Variants in ANKS1B observed in about 807,000 individuals in gnomAD.
ANKS1B encodes the protein ankyrin repeat and sterile alpha motif domain-containing protein 1B.
A neutral mutation model predicts 148.3 loss-of-function variants in ANKS1B; 36 were observed. That is an observed-to-expected ratio of 0.24 (90% CI 0.19 to 0.32). ANKS1B has a LOEUF of 0.32. Among genes scored for constraint, ANKS1B ranks in the 10% least tolerant of loss-of-function variants. ANKS1B has a pLI of 1.00. For synonymous variants in ANKS1B, 542 were observed against 560.8 expected, an observed-to-expected ratio of 0.97 and a Z score of 0.47; for missense variants, 1,157 against 1,542.6, an observed-to-expected ratio of 0.75 and a Z score of 4.19.
chr12:99,789,424 T>C (rs957068752), intron 4 of ANKS1B, among the ~76,000 whole-genome samples: 1 of 151,740 alleles, frequency 6.6e-6, no homozygotes, highest in Non-Finnish European at 1.5e-5. Flanking sequence ...ATCAAGACCA[T>C]CCAAGAAAAC....
At chr12:98,876,615 GA>G (rs903570827) in intron 17 of ANKS1B, among the ~76,000 whole-genome samples, 2 of 152,190 alleles carry the variant, frequency 1.3e-5, no homozygotes, top group Non-Finnish European at 2.9e-5. Context: ...GAATTCACAT[GA>G]AAGACAATAC....
chr12:99,710,802 T>G (rs2056526226), intron 8 of ANKS1B, among the ~76,000 whole-genome samples: 1 of 152,118 alleles, frequency 6.6e-6, no homozygotes, highest in Admixed American at 6.5e-5. Flanking sequence ...CAAAACAACC[T>G]GAGATAAATG....
intron 14 of ANKS1B, among the ~76,000 whole-genome samples, chr12:99,222,617 AAAAC>A (rs571938317): frequency 2.9e-4 from 44 of 152,322 alleles, no homozygotes; most frequent in African/African-American, 8.2e-4. Flanking sequence ...CCCTGTCTCA[AAAAC>A]AAACAAACAA....
rs574220528 is a variant in ANKS1B at position 98,760,116 on chromosome 12, A to T, written c.3580-8594T>A. 3.4e-3 allele frequency among the ~76,000 whole-genome samples: 524 copies of T among 152,380 alleles called. 1 individual carries two copies. The highest frequency in any genetic ancestry group is 7.3e-3 in the South Asian group (35 of 4,824). ...TATGGATCAAATGTGAATAGTAGTT[A>T]TCACTGCGTATTGAGACTGGATGAT... On this transcript the variant is annotated intron_variant, in intron 25 of 26. Transcript: ENST00000683438.
At chr12:99,232,068 G>A (rs988012673) in intron 14 of ANKS1B, among the ~76,000 whole-genome samples, 6 of 152,046 alleles carry the variant, frequency 3.9e-5, no homozygotes, top group Non-Finnish European at 7.4e-5. Flanking sequence ...AAGAAGAGAA[G>A]CAAAAGCTTA....
At position 98,800,988 on chromosome 12, in the gene ANKS1B, G is replaced by T; in HGVS notation, c.3270+9C>A. Reference sequence around the variant, plus strand: ...CTTAGGCCCAAATACTGAATTGAGGGTAACTTACAAAAGCTTTGTAATCAC... The same window carrying T: ...CTTAGGCCCAAATACTGAATTGAGGTTAACTTACAAAAGCTTTGTAATCAC... On this transcript the variant is annotated intron_variant, in intron 21 of 26. Coordinates refer to ENST00000683438, the MANE Select transcript of ANKS1B (RefSeq NM_001352186.2). 6.2e-7 allele frequency: 1 copy of T among 1,609,694 alleles called. No individual in the cohort carries two copies. Among genetic ancestry groups the T allele is most frequent in the Non-Finnish European group, 8.5e-7 (1 of 1,177,634 alleles).
intron 8 of ANKS1B, among the ~76,000 whole-genome samples, chr12:99,732,017 A>C (rs1257315108): frequency 6.6e-6 from 1 of 152,224 alleles, no homozygotes; most frequent in African/African-American, 2.4e-5. Context: ...CAGATACTTC[A>C]TCAAAGAAGA....
At chr12:99,143,610 C>T (rs1473617907) in intron 15 of ANKS1B, among the ~76,000 whole-genome samples, 1 of 152,082 alleles carries the variant, frequency 6.6e-6, no homozygotes, top group Non-Finnish European at 1.5e-5. Context: ...ATGATCACTG[C>T]TACTGTTTGA....
intron 1 of ANKS1B, among the ~76,000 whole-genome samples, chr12:99,947,374 G>A (rs1462538678): frequency 6.6e-6 from 1 of 152,008 alleles, no homozygotes. Context: ...TCATCATGAA[G>A]CCATTTTTGG....
chr12:99,784,553 A>T, intron 4 of ANKS1B, among the ~76,000 whole-genome samples: 1 of 152,188 alleles, frequency 6.6e-6, no homozygotes, highest in East Asian at 1.9e-4. Flanking sequence ...GGCAGGATCT[A>T]ACTCCTAGCA....
At chr12:99,366,576 T>C (rs1322456262) in intron 12 of ANKS1B, among the ~76,000 whole-genome samples, 1 of 152,114 alleles carries the variant, frequency 6.6e-6, no homozygotes, top group Non-Finnish European at 1.5e-5. Context: ...TATGACAAAG[T>C]TGGCATCTCA....
At chr12:99,667,546 A>G (rs1340749078) in intron 8 of ANKS1B, among the ~76,000 whole-genome samples, 2 of 152,156 alleles carry the variant, frequency 1.3e-5, no homozygotes, top group African/African-American at 2.4e-5. Context: ...AAAGAGTTTT[A>G]CTTTTCTCTT....
intron 1 of ANKS1B, among the ~76,000 whole-genome samples, chr12:99,912,824 C>T (rs944696430): frequency 2.6e-5 from 4 of 152,240 alleles, no homozygotes; most frequent in South Asian, 2.1e-4. Context: ...TGGCACTATA[C>T]TGAATGTGTC....
chr12:98,841,495 C>T (rs905085898), intron 17 of ANKS1B, among the ~76,000 whole-genome samples: 2 of 152,104 alleles, frequency 1.3e-5, no homozygotes, highest in Admixed American at 6.6e-5. Context: ...TCAATCCAGC[C>T]AATTCTGTTT....
At chr12:98,776,946 T>G (rs1250882911) in intron 24 of ANKS1B, among the ~76,000 whole-genome samples, 3 of 152,192 alleles carry the variant, frequency 2.0e-5, no homozygotes, top group Admixed American at 2.0e-4. Context: ...ATTCCAGTGC[T>G]TTGGGAAGCT....
chr12:98,845,685 ATC>A (rs1345783481), intron 17 of ANKS1B, among the ~76,000 whole-genome samples: 4 of 151,860 alleles, frequency 2.6e-5, no homozygotes, highest in African/African-American at 7.3e-5. Flanking sequence ...CAATCTAAAA[ATC>A]TCTGTCAGTC....
chr12:99,849,541 T>C (rs1277520504), intron 1 of ANKS1B, among the ~76,000 whole-genome samples: 1 of 152,144 alleles, frequency 6.6e-6, no homozygotes, highest in Admixed American at 6.6e-5. Flanking sequence ...AATTCTTACC[T>C]ATGTTCACTA....
intron 17 of ANKS1B, among the ~76,000 whole-genome samples, chr12:98,865,008 AT>A (rs2099617356): frequency 6.6e-6 from 1 of 152,092 alleles, no homozygotes; most frequent in South Asian, 2.1e-4. Flanking sequence ...AATCTTCAAC[AT>A]CTAATCAAAT....
chr12:99,135,542 C>T (rs756120589), intron 15 of ANKS1B, among the ~76,000 whole-genome samples: 2 of 152,172 alleles, frequency 1.3e-5, no homozygotes, highest in South Asian at 2.1e-4. Flanking sequence ...AAAGAAACAA[C>T]GTCAGACTCC....
Sources: allele counts gnomAD v4.1 joint callset (sites outside exome capture counted in the v4.1 genomes callset), GRCh38; gene constraint gnomAD v4.1.1; transcripts MANE v1.5; gene names NCBI Gene and HGNC (gene_info 2026-07-23, HGNC 2026-07-21).